The following NBEA variants were observed in gnomAD, a reference collection of about 807,000 sequenced individuals.
The protein encoded by NBEA is neurobeachin.
A neutral mutation model predicts 343.4 loss-of-function variants in NBEA; 44 were observed. The ratio of observed to expected loss-of-function variants is 0.13; its 90% CI spans 0.10 to 0.16. NBEA has a LOEUF of 0.16. NBEA is among the 10% of genes least tolerant of loss of function. The probability of loss-of-function intolerance (pLI) is 1.00; values close to 1 mark genes in which losing one functional copy is unlikely to be tolerated. For missense variants in NBEA, 2,555 were observed against 3,631.3 expected, an observed-to-expected ratio of 0.70 and a Z score of 7.62; for synonymous variants, 1,175 against 1,238.7, an observed-to-expected ratio of 0.95 and a Z score of 1.08.
intron 1 of NBEA, among the ~76,000 whole-genome samples, chr13:34,948,004 A>G (rs1032973251): frequency 6.6e-6 from 1 of 152,240 alleles, no homozygotes; most frequent in African/African-American, 2.4e-5. Flanking sequence ...ACTTTTATGT[A>G]TAATCAAATA....
intron 34 of NBEA, among the ~76,000 whole-genome samples, chr13:35,283,928 CAT>C (rs542164919): frequency 7.3e-4 from 110 of 151,592 alleles, no homozygotes; most frequent in African/African-American, 2.2e-3. Context: ...TGTATGTATG[CAT>C]ATGTTTTTCT....
chr13:35,575,819 A>G (rs1201141458), intron 45 of NBEA, among the ~76,000 whole-genome samples: 1 of 152,166 alleles, frequency 6.6e-6, no homozygotes, highest in East Asian at 1.9e-4. Context: ...ACCACACAGT[A>G]CATCTGATTC....
At chr13:35,643,689 T>C (rs976027190) in intron 49 of NBEA, among the ~76,000 whole-genome samples, 1 of 152,158 alleles carries the variant, frequency 6.6e-6, no homozygotes, top group Non-Finnish European at 1.5e-5. Flanking sequence ...GCATTCATTA[T>C]GATTTAGAAG....
intron 13 of NBEA, among the ~76,000 whole-genome samples, chr13:35,114,288 C>T (rs1593389984): frequency 6.6e-6 from 1 of 152,186 alleles, no homozygotes; most frequent in African/African-American, 2.4e-5. Flanking sequence ...AGCCACATGG[C>T]TCAACCTAGC....
At chr13:35,192,155 A>G (rs1030171681) in intron 30 of NBEA, among the ~76,000 whole-genome samples, 4 of 152,012 alleles carry the variant, frequency 2.6e-5, no homozygotes, top group Admixed American at 6.6e-5. Flanking sequence ...GATTAATATA[A>G]CCTACACAGA....
At chr13:35,043,359 G>A (rs73167751) in intron 2 of NBEA, among the ~76,000 whole-genome samples, 2,140 of 151,714 alleles carry the variant, frequency 0.014, 19 homozygotes, top group Middle Eastern at 0.031. Context: ...AAATTTAAAC[G>A]TTGCAAATAT....
At chr13:35,047,719 T>C (rs1490573506) in intron 4 of NBEA, among the ~76,000 whole-genome samples, 1 of 151,550 alleles carries the variant, frequency 6.6e-6, no homozygotes, top group African/African-American at 2.4e-5. Flanking sequence ...CATGAAGAAA[T>C]TTAAATTTTA....
At chr13:35,200,912 G>A (rs1468384840) in intron 31 of NBEA, among the ~76,000 whole-genome samples, 1 of 151,820 alleles carries the variant, frequency 6.6e-6, no homozygotes, top group Non-Finnish European at 1.5e-5. Flanking sequence ...ATATTGAGTA[G>A]AGTTAATGAG....
intron 18 of NBEA, among the ~76,000 whole-genome samples, chr13:35,145,064 A>G (rs1156697467): frequency 2.0e-5 from 3 of 152,178 alleles, no homozygotes; most frequent in African/African-American, 7.2e-5. Context: ...CAGTTCAACT[A>G]ATCCTGAATT....
intron 34 of NBEA, among the ~76,000 whole-genome samples, chr13:35,280,458 G>A (rs924765041): frequency 1.3e-5 from 2 of 151,998 alleles, no homozygotes; most frequent in South Asian, 2.1e-4. Flanking sequence ...ATTATTTCAA[G>A]TTAAATATTT....
chr13:34,953,263 T>A (rs1020666457), intron 1 of NBEA, among the ~76,000 whole-genome samples: 1 of 152,228 alleles, frequency 6.6e-6, no homozygotes, highest in Non-Finnish European at 1.5e-5. Context: ...TTATAAAATG[T>A]CATAGAATTA....
At chr13:35,277,986 C>T (rs1037045592) in intron 34 of NBEA, among the ~76,000 whole-genome samples, 3 of 151,514 alleles carry the variant, frequency 2.0e-5, no homozygotes, top group Admixed American at 2.0e-4. Flanking sequence ...ACTTGGGAGG[C>T]TGAGGCAGGA....
chr13:35,670,641 G>A (rs920223686), intron 58 of NBEA, among the ~76,000 whole-genome samples: 2 of 152,236 alleles, frequency 1.3e-5, no homozygotes, highest in African/African-American at 4.8e-5. Context: ...GCGGAGGCTG[G>A]AAATGTGGTT....
chr13:35,424,897 G>A (rs1476686012), intron 38 of NBEA, among the ~76,000 whole-genome samples: 1 of 152,116 alleles, frequency 6.6e-6, no homozygotes, highest in African/African-American at 2.4e-5. Context: ...ATGTGTCGAG[G>A]AATTTATCCA....
At chr13:35,638,001 A>G (rs1232004703) in intron 49 of NBEA, among the ~76,000 whole-genome samples, 1 of 152,160 alleles carries the variant, frequency 6.6e-6, no homozygotes, top group Non-Finnish European at 1.5e-5. Context: ...TACTAAGTGA[A>G]ACAAGCCAGT....
At chr13:35,072,621 G>A (rs183291434) in intron 10 of NBEA, among the ~76,000 whole-genome samples, 24 of 152,206 alleles carry the variant, frequency 1.6e-4, no homozygotes, top group African/African-American at 5.5e-4. Context: ...GTGCAGTGGT[G>A]TGATCTCTTG....
At chr13:35,238,740 G>T (rs967675527) in intron 34 of NBEA, among the ~76,000 whole-genome samples, 7 of 152,072 alleles carry the variant, frequency 4.6e-5, no homozygotes, top group African/African-American at 1.4e-4. Context: ...TGTTAGCAGT[G>T]CAGGAAATTT....
chr13:35,024,894 C>T (rs2061966494), intron 1 of NBEA, among the ~76,000 whole-genome samples: 1 of 152,046 alleles, frequency 6.6e-6, no homozygotes, highest in Admixed American at 6.6e-5. Context: ...GATCTTACCT[C>T]ATTGTGATTT....
At chr13:35,304,565 G>C (rs1360970813) in intron 35 of NBEA, among the ~76,000 whole-genome samples, 2 of 152,100 alleles carry the variant, frequency 1.3e-5, no homozygotes, top group African/African-American at 4.8e-5. Flanking sequence ...ACATATAATT[G>C]CAGTGATACA....
Sources: allele counts gnomAD v4.1 joint callset (sites outside exome capture counted in the v4.1 genomes callset), GRCh38; gene constraint gnomAD v4.1.1; transcripts MANE v1.5; gene names NCBI Gene and HGNC (gene_info 2026-07-23, HGNC 2026-07-21).